The following MBOAT1 variants were observed in gnomAD, a reference collection of about 807,000 sequenced individuals.
MBOAT1 encodes membrane bound glycerophospholipid O-acyltransferase 1, also known as membrane-bound glycerophospholipid O-acyltransferase 1.
Under a neutral mutation model 64.4 loss-of-function variants are expected in MBOAT1, and 67 were observed. That is an observed-to-expected ratio of 1.04 (90% CI 0.85 to 1.27). The LOEUF is 1.27. Among genes scored for constraint, MBOAT1 ranks in the 50% most tolerant of loss-of-function variants. The pLI is 0.00. For missense variants in MBOAT1, 563 were observed against 604.6 expected (o/e 0.93, Z 0.72); for synonymous variants, 229 against 218.9 (o/e 1.05, Z -0.41).
intron 1 of MBOAT1, among the ~76,000 whole-genome samples, chr6:20,168,491 C>G (rs6456300): frequency 0.21 from 21,887 of 103,714 alleles, 2,326 homozygotes; most frequent in African/African-American, 0.36. Flanking sequence ...GAGACAGAGA[C>G]AGAGAGAGAG....
intron 1 of MBOAT1, among the ~76,000 whole-genome samples, chr6:20,166,758 T>G (rs1405651108): frequency 6.6e-6 from 1 of 151,738 alleles, no homozygotes; most frequent in Admixed American, 6.6e-5. Flanking sequence ...GGCAAGAGAG[T>G]AAGACCTCAT....
At chr6:20,199,950 A>G (rs1285543523) in intron 1 of MBOAT1, among the ~76,000 whole-genome samples, 3 of 150,718 alleles carry the variant, frequency 2.0e-5, no homozygotes, top group Non-Finnish European at 4.4e-5. Flanking sequence ...CCTGGGCAAC[A>G]GGGTAAGACT....
At chr6:20,166,522 A>G (rs1425004764) in intron 1 of MBOAT1, among the ~76,000 whole-genome samples, 1 of 152,128 alleles carries the variant, frequency 6.6e-6, no homozygotes, top group Non-Finnish European at 1.5e-5. Flanking sequence ...ATGCCTTTAG[A>G]CAAAGGTATT....
chr6:20,103,416 G>T (rs1412250556), intron 12 of MBOAT1, among the ~76,000 whole-genome samples: 8 of 149,314 alleles, frequency 5.4e-5, no homozygotes, highest in East Asian at 1.9e-4. Context: ...TGTTGTTTTG[G>T]TTTTTTGTTT....
At chr6:20,159,228 G>A (rs907976685) in intron 1 of MBOAT1, among the ~76,000 whole-genome samples, 5 of 152,084 alleles carry the variant, frequency 3.3e-5, no homozygotes, top group Admixed American at 6.5e-5. Flanking sequence ...GTGAGTGGCA[G>A]GTGACCGAGA....
At chr6:20,133,735 T>C (rs1760900120) in intron 4 of MBOAT1, among the ~76,000 whole-genome samples, 1 of 152,216 alleles carries the variant, frequency 6.6e-6, no homozygotes, top group Non-Finnish European at 1.5e-5. Context: ...AACATTTGTT[T>C]TCCTCTATCT....
chr6:20,194,822 A>G (rs1762908037), intron 1 of MBOAT1, among the ~76,000 whole-genome samples: 1 of 151,954 alleles, frequency 6.6e-6, no homozygotes, highest in Non-Finnish European at 1.5e-5. Flanking sequence ...CCACAGGGAG[A>G]TTTGTCTATT....
At chr6:20,156,952 A>G (rs1216977151) in intron 1 of MBOAT1, among the ~76,000 whole-genome samples, 1 of 152,154 alleles carries the variant, frequency 6.6e-6, no homozygotes, top group Non-Finnish European at 1.5e-5. Flanking sequence ...AGAATGGGAG[A>G]AACTTTTTAC....
At chr6:20,129,670 A>G (rs1169802286) in intron 5 of MBOAT1, among the ~76,000 whole-genome samples, 1 of 152,236 alleles carries the variant, frequency 6.6e-6, no homozygotes, top group East Asian at 1.9e-4. Flanking sequence ...AAGCTGCTTA[A>G]AAAGAAAAAA....
In MBOAT1 at chr6:20,124,563, G is replaced by A; in HGVS notation, c.752C>T (p.Ser251Phe). 1.2e-6 allele frequency: 2 copies of A among 1,614,206 alleles called. No individual in the cohort carries two copies. The highest frequency in any genetic ancestry group is 1.7e-6 in the Non-Finnish European group (2 of 1,180,042). Residue 251 changes from serine (S) to phenylalanine (F), a missense_variant, in exon 8 of 13, where the codon TCT (serine) becomes TTT (phenylalanine). Physicochemically the swap from Ser to Phe is radical, Grantham distance 155. Coordinates refer to ENST00000324607, the MANE Select transcript of MBOAT1 (RefSeq NM_001080480.3). ...VIHKLGITLV[S>F]LLLFLTLTKT... The stretch of plus-strand genomic sequence containing the variant: ...CGTTAGCGTCAAAAACAAAAGGAGA[G>A]ACACCAAGGTGATGCCCAACTTGTG...
At chr6:20,207,919 A>AT (rs745782849) in intron 1 of MBOAT1, among the ~76,000 whole-genome samples, 18 of 152,374 alleles carry the variant, frequency 1.2e-4, no homozygotes, top group Non-Finnish European at 2.1e-4. Flanking sequence ...TCTAGAGTAT[A>AT]TAAGCCCTTG....
intron 3 of MBOAT1, among the ~76,000 whole-genome samples, chr6:20,146,318 T>C (rs554394421): frequency 3.3e-5 from 5 of 152,344 alleles, no homozygotes; most frequent in Non-Finnish European, 2.9e-5. Flanking sequence ...TAGCAAGGGA[T>C]AGCCAGATTT....
chr6:20,205,876 T>G (rs2113776700), intron 1 of MBOAT1, among the ~76,000 whole-genome samples: 2 of 152,104 alleles, frequency 1.3e-5, no homozygotes, highest in Middle Eastern at 6.8e-3. Flanking sequence ...GGACACCACC[T>G]CATCAGGGCT....
intron 1 of MBOAT1, among the ~76,000 whole-genome samples, chr6:20,172,476 G>A (rs145888456): frequency 8.1e-4 from 124 of 152,240 alleles, no homozygotes; most frequent in Admixed American, 1.6e-3. Flanking sequence ...CCTAGGGATG[G>A]CTATAGTTGC....
chr6:20,144,632 AG>A (rs1581420865), intron 3 of MBOAT1, among the ~76,000 whole-genome samples: 1 of 152,250 alleles, frequency 6.6e-6, no homozygotes, highest in Non-Finnish European at 1.5e-5. Flanking sequence ...GGCAGTGCGC[AG>A]CCAGGGCTGG....
intron 3 of MBOAT1, among the ~76,000 whole-genome samples, chr6:20,149,089 A>C (rs1359397235): frequency 7.1e-6 from 1 of 141,468 alleles, no homozygotes; most frequent in Non-Finnish European, 1.5e-5. Context: ...CAACAGAGTG[A>C]GACTCTGTCT....
Position 20,212,172 on chromosome 6 carries a change from G to T in MBOAT1, c.63C>A (p.His21Gln). 1.9e-6 allele frequency: 3 copies of T among 1,613,690 alleles called. No homozygotes were observed. The highest frequency in any genetic ancestry group is 2.5e-6 in the Non-Finnish European group (3 of 1,179,880). ...SYRTTGSTYL[H>Q]PLSELLGIPL... is the part of the protein sequence containing the mutation. ...GGATGCCCAGGAGCTCGCTGAGCGG[G>T]TGCAGGTAGGTGGAGCCCGTGGTGC... Residue 21 changes from histidine (H) to glutamine (Q), a missense_variant, in exon 1 of 13, where the codon CAC becomes CAA. His to Gln is a conservative substitution (Grantham distance 24). Coordinates refer to ENST00000324607, the MANE Select transcript of MBOAT1 (RefSeq NM_001080480.3).
At chr6:20,187,158 A>C (rs750819538) in intron 1 of MBOAT1, among the ~76,000 whole-genome samples, 24 of 152,216 alleles carry the variant, frequency 1.6e-4, no homozygotes, top group Non-Finnish European at 2.8e-4. Flanking sequence ...GCACTAAATG[A>C]ATTCAGATGT....
chr6:20,109,459 G>T, intron 12 of MBOAT1, 139 bp downstream of exon 12: 1 of 1,047,208 alleles, frequency 9.5e-7, no homozygotes, highest in Non-Finnish European at 1.4e-6. Flanking sequence ...TCCTCTTAAA[G>T]CTTCTATGGA....
Sources: gnomAD v4.1 joint callset for allele counts (sites outside exome capture counted in the v4.1 genomes callset) on GRCh38, gnomAD v4.1.1 for gene constraint, MANE v1.5 for transcripts, NCBI Gene and HGNC (gene_info 2026-07-23, HGNC 2026-07-21) for gene names.